The following AEBP2 variants were observed in gnomAD, a reference collection of about 807,000 sequenced individuals.
AEBP2 encodes the protein zinc finger protein AEBP2.
Under a neutral mutation model 50.8 loss-of-function variants are expected in AEBP2, and 10 were observed. The observed-to-expected ratio is 0.20, with a 90% confidence interval of 0.12 to 0.33. AEBP2 has a LOEUF of 0.33. AEBP2 is among the 10% of genes least tolerant of loss of function. The pLI is 1.00. For missense variants in AEBP2, 570 were observed against 688.0 expected (o/e 0.83, Z 1.92); for synonymous variants, 296 against 261.3 (o/e 1.13, Z -1.28).
chr12:19,512,511 T>A, intron 6 of AEBP2, 46 bp downstream of exon 6: 1 of 1,213,506 alleles, frequency 8.2e-7, no homozygotes, highest in Non-Finnish European at 1.1e-6. Context: ...TCATGTTTTA[T>A]TTTTGTTAAA....
chr12:19,495,830 C>T (rs1486667732), intron 4 of AEBP2, among the ~76,000 whole-genome samples: 2 of 152,144 alleles, frequency 1.3e-5, no homozygotes, highest in African/African-American at 2.4e-5. Context: ...AGGCATGACC[C>T]ACCATACCTG....
At chr12:19,514,137 A>G (rs779611407) in intron 6 of AEBP2, among the ~76,000 whole-genome samples, 3 of 151,640 alleles carry the variant, frequency 2.0e-5, no homozygotes, top group Non-Finnish European at 4.4e-5. Flanking sequence ...GTTGATGGGA[A>G]TACAGGTGTG....
At chr12:19,407,581 C>T (rs1401133368) in intron 1 of AEBP2, among the ~76,000 whole-genome samples, 2 of 151,884 alleles carry the variant, frequency 1.3e-5, no homozygotes, top group African/African-American at 4.8e-5. Flanking sequence ...GTATTACAGG[C>T]GTGAGCCACT....
intron 1 of AEBP2, chr12:19,413,219 A>C: frequency 1.2e-6 from 1 of 805,604 alleles, no homozygotes; most frequent in East Asian, 2.4e-5. Flanking sequence ...CAGTATCTTA[A>C]CCCAAGTTTT....
upstream of AEBP2, among the ~76,000 whole-genome samples, chr12:19,439,116 C>A (rs533235888): frequency 6.6e-6 from 1 of 152,296 alleles, no homozygotes; most frequent in South Asian, 2.1e-4. Flanking sequence ...AAATTTAGTA[C>A]CTTACACCGT....
chr12:19,482,544 A>G (rs1215217048), intron 3 of AEBP2, among the ~76,000 whole-genome samples: 2 of 152,186 alleles, frequency 1.3e-5, no homozygotes, highest in East Asian at 1.9e-4. Flanking sequence ...GCCTCCAACC[A>G]GGAGGTGACA....
intron 4 of AEBP2, among the ~76,000 whole-genome samples, chr12:19,499,771 C>T (rs1357118641): frequency 6.6e-6 from 1 of 152,052 alleles, no homozygotes; most frequent in East Asian, 1.9e-4. Context: ...TTCCTCAGAT[C>T]GCTGATAACA....
chr12:19,466,871 C>CT, intron 2 of AEBP2: 1 of 869,502 alleles, frequency 1.2e-6, no homozygotes, highest in Non-Finnish European at 1.4e-6. Flanking sequence ...AAGATCTAAA[C>CT]TATATTAATT....
At chr12:19,413,135 C>G in intron 1 of AEBP2, 1 of 717,154 alleles carries the variant, frequency 1.4e-6, no homozygotes, top group Non-Finnish European at 2.6e-6. Flanking sequence ...TTTGTTCTGA[C>G]CCAAGTTTAG....
chr12:19,517,658 G>A (rs769970388), intron 7 of AEBP2, among the ~76,000 whole-genome samples: 1 of 152,148 alleles, frequency 6.6e-6, no homozygotes. Flanking sequence ...GTATTTATTT[G>A]GGATTTAAGC....
intron 1 of AEBP2, among the ~76,000 whole-genome samples, chr12:19,442,934 G>C (rs1217183362): frequency 6.6e-6 from 1 of 152,126 alleles, no homozygotes; most frequent in Non-Finnish European, 1.5e-5. Context: ...GTAACCAGTG[G>C]AAGGATAATC....
At chr12:19,510,205 T>C (rs1209131113) in intron 5 of AEBP2, among the ~76,000 whole-genome samples, 1 of 152,190 alleles carries the variant, frequency 6.6e-6, no homozygotes, top group African/African-American at 2.4e-5. Context: ...AGGTAGAGAC[T>C]GAATTGTCTA....
At chr12:19,467,176 G>A (rs1312412743) in intron 2 of AEBP2, among the ~76,000 whole-genome samples, 4 of 152,042 alleles carry the variant, frequency 2.6e-5, no homozygotes, top group Non-Finnish European at 4.4e-5. Flanking sequence ...AAAGTGCTAG[G>A]ATTACAGGTG....
intron 1 of AEBP2, among the ~76,000 whole-genome samples, chr12:19,441,806 C>T (rs1947965372): frequency 8.6e-5 from 13 of 152,032 alleles, no homozygotes; most frequent in Admixed American, 7.2e-4. Context: ...CTATTTTTAC[C>T]ATTTTATGCT....
rs1184989443 is a variant in AEBP2, at chr12:19,439,582, CCT to C, written c.-117_-116del. The C allele has an allele frequency of 1.0e-5, 14 of 1,353,216 alleles. No homozygotes were observed. The highest frequency in any genetic ancestry group is 2.5e-5 in the Admixed American group (1 of 40,600). 83.8% of individuals were successfully genotyped at this position (1,353,216 alleles called of 1,614,324 possible). On this transcript the variant is annotated 5_prime_UTR_variant, in exon 1 of 8. Coordinates refer to ENST00000266508, the MANE Select transcript of AEBP2 (RefSeq NM_153207.5). ...GCTGACGCAGCTCGCGGGCCCTCCT[CCT>C]GCTCTGCAGCGGCGTCGGCGGAGTT...
At chr12:19,484,118 C>T (rs1041763527) in intron 3 of AEBP2, among the ~76,000 whole-genome samples, 2 of 152,038 alleles carry the variant, frequency 1.3e-5, no homozygotes, top group Non-Finnish European at 2.9e-5. Flanking sequence ...TTGGCTCTGT[C>T]GCCCAGGCTA....
chr12:19,481,303 A>T (rs1008677866), intron 3 of AEBP2, among the ~76,000 whole-genome samples: 2 of 150,842 alleles, frequency 1.3e-5, no homozygotes, highest in African/African-American at 2.4e-5. Context: ...GGGTTTCATC[A>T]TGTTGGCCAG....
chr12:19,417,215 T>TA (rs2095743112), intron 1 of AEBP2, among the ~76,000 whole-genome samples: 2 of 151,970 alleles, frequency 1.3e-5, no homozygotes, highest in Admixed American at 1.3e-4. Flanking sequence ...TCCTTTTACT[T>TA]ACCACACACT....
At chr12:19,516,136 C>T (rs1438774554) in intron 7 of AEBP2, among the ~76,000 whole-genome samples, 1 of 152,032 alleles carries the variant, frequency 6.6e-6, no homozygotes, top group Non-Finnish European at 1.5e-5. Context: ...CTAATTAATA[C>T]AATAAAACTT....
Sources: allele counts gnomAD v4.1 joint callset (sites outside exome capture counted in the v4.1 genomes callset), GRCh38; gene constraint gnomAD v4.1.1; transcripts MANE v1.5; gene names NCBI Gene and HGNC (gene_info 2026-07-23, HGNC 2026-07-21).